Variants in DPP6 observed in about 807,000 individuals in gnomAD.
DPP6 encodes A-type potassium channel modulatory protein DPP6.
In DPP6, 69 loss-of-function variants were observed where a neutral mutation model predicts 122.6. The ratio of observed to expected loss-of-function variants is 0.56; its 90% confidence interval spans 0.46 to 0.69. DPP6 has a LOEUF of 0.69. Among genes scored for constraint, DPP6 ranks in the 30% least tolerant of loss-of-function variants. The probability of loss-of-function intolerance (pLI) is 0.00; values close to 1 mark genes in which losing one functional copy is unlikely to be tolerated. For missense variants in DPP6, 928 were observed against 1,116.9 expected (o/e 0.83, Z 2.41); for synonymous variants, 418 against 433.1 (o/e 0.97, Z 0.43).
chr7:154,109,256 C>T (rs1354804471), intron 1 of DPP6, among the ~76,000 whole-genome samples: 1 of 152,204 alleles, frequency 6.6e-6, no homozygotes, highest in African/African-American at 2.4e-5. Context: ...GAAAATTATA[C>T]TCTAGTATGC....
At chr7:153,872,246 T>C in the DPP6 span, among the ~76,000 whole-genome samples, 2 of 152,200 alleles carry the variant, frequency 1.3e-5, no homozygotes, top group African/African-American at 4.8e-5. Flanking sequence ...GATCAGGGTA[T>C]GGCCTGGTAA....
intron 1 of DPP6, among the ~76,000 whole-genome samples, chr7:154,386,100 G>C (rs976061645): frequency 2.6e-5 from 4 of 152,192 alleles, no homozygotes; most frequent in Non-Finnish European, 5.9e-5. Context: ...GTGGCCCTCA[G>C]GTGTGGACAT....
intron 8 of DPP6, 66 bp from the exon 9 acceptor site, chr7:154,769,351 G>C (rs1796095261): frequency 6.3e-7 from 1 of 1,599,408 alleles, no homozygotes; most frequent in Non-Finnish European, 8.5e-7. Context: ...TCATGTTCCT[G>C]CTGGTGCAGC....
At chr7:153,948,267 A>T (rs1802038876) in intron 1 of DPP6, among the ~76,000 whole-genome samples, 1 of 152,192 alleles carries the variant, frequency 6.6e-6, no homozygotes, top group African/African-American at 2.4e-5. Flanking sequence ...GCATTTCTAT[A>T]GTCCAGGGAT....
At chr7:154,642,518 A>G (rs1836169741) in intron 6 of DPP6, among the ~76,000 whole-genome samples, 1 of 152,106 alleles carries the variant, frequency 6.6e-6, no homozygotes, top group Non-Finnish European at 1.5e-5. Context: ...TGAACCCAAG[A>G]GGCGGAGGTT....
At chr7:153,935,659 C>T (rs1410930977) in intron 1 of DPP6, among the ~76,000 whole-genome samples, 4 of 152,192 alleles carry the variant, frequency 2.6e-5, no homozygotes, top group African/African-American at 9.7e-5. Flanking sequence ...CCTTGGTCCC[C>T]TCTACAAATG....
At chr7:154,117,286 C>T (rs1313016401) in intron 1 of DPP6, among the ~76,000 whole-genome samples, 4 of 152,132 alleles carry the variant, frequency 2.6e-5, no homozygotes, top group Non-Finnish European at 4.4e-5. Context: ...AGACACTCTG[C>T]CTTTACCTTC....
At chr7:154,116,024 G>T (rs1806961836) in intron 1 of DPP6, among the ~76,000 whole-genome samples, 1 of 151,154 alleles carries the variant, frequency 6.6e-6, no homozygotes, top group East Asian at 1.9e-4. Context: ...TGTGGCAAAT[G>T]GTTAAATTCT....
intron 10 of DPP6, among the ~76,000 whole-genome samples, chr7:154,791,761 A>G (rs1797695185): frequency 6.6e-6 from 1 of 152,220 alleles, no homozygotes; most frequent in Admixed American, 6.5e-5. Context: ...AAGCAGGAAC[A>G]GTACTGTGAC....
At chr7:154,093,312 C>T (rs201300671) in intron 1 of DPP6, among the ~76,000 whole-genome samples, 89 of 143,084 alleles carry the variant, frequency 6.2e-4, no homozygotes, top group Middle Eastern at 3.5e-3. Flanking sequence ...TACCACACCA[C>T]ATGCCACACA....
the DPP6 span, among the ~76,000 whole-genome samples, chr7:153,773,730 TA>T: frequency 6.6e-6 from 1 of 151,462 alleles, no homozygotes; most frequent in Non-Finnish European, 1.5e-5. Context: ...TTTATACAAC[TA>T]AATTCTTATG....
chr7:154,693,999 GT>G, intron 7 of DPP6, among the ~76,000 whole-genome samples: 1 of 152,278 alleles, frequency 6.6e-6, no homozygotes, highest in African/African-American at 2.4e-5. Flanking sequence ...GTAGACTGGG[GT>G]GCTTAGAAAA....
intron 1 of DPP6, among the ~76,000 whole-genome samples, chr7:154,183,406 G>T (rs751682786): frequency 3.3e-5 from 5 of 152,170 alleles, no homozygotes; most frequent in Non-Finnish European, 7.3e-5. Flanking sequence ...TAATTGTTTA[G>T]TTGTGGCTCC....
chr7:154,578,789 C>G (rs1252241105), intron 5 of DPP6, among the ~76,000 whole-genome samples: 2 of 151,882 alleles, frequency 1.3e-5, no homozygotes, highest in African/African-American at 2.4e-5. Context: ...TATGTGTGCA[C>G]AAAGGGAGTA....
the DPP6 span, among the ~76,000 whole-genome samples, chr7:153,780,408 G>A: frequency 6.6e-6 from 1 of 151,960 alleles, no homozygotes; most frequent in Non-Finnish European, 1.5e-5. Flanking sequence ...TTAGCTATGA[G>A]TCCTTTCTTT....
intron 1 of DPP6, among the ~76,000 whole-genome samples, chr7:154,201,511 T>A (rs77016208): frequency 0.023 from 3,474 of 152,274 alleles, 135 homozygotes; most frequent in African/African-American, 0.078. Flanking sequence ...CCTAAAACAT[T>A]CATTCCAATT....
intron 4 of DPP6, among the ~76,000 whole-genome samples, chr7:154,543,631 G>T (rs1228005445): frequency 6.6e-6 from 1 of 152,108 alleles, no homozygotes; most frequent in African/African-American, 2.4e-5. Context: ...TACTAATTCA[G>T]TCATCCTTTA....
intron 1 of DPP6, among the ~76,000 whole-genome samples, chr7:154,297,943 A>G (rs1296662239): frequency 6.6e-6 from 1 of 152,222 alleles, no homozygotes; most frequent in African/African-American, 2.4e-5. Context: ...TGGCTAGGCC[A>G]CGGTACCCAG....
intron 1 of DPP6, among the ~76,000 whole-genome samples, chr7:154,371,580 A>G (rs1812681123): frequency 6.6e-6 from 1 of 152,044 alleles, no homozygotes; most frequent in South Asian, 2.1e-4. Context: ...GCGAAGGCCC[A>G]CTTGCAGACT....
Sources: allele counts gnomAD v4.1 joint callset (sites outside exome capture counted in the v4.1 genomes callset), GRCh38; gene constraint gnomAD v4.1.1; transcripts MANE v1.5; gene names NCBI Gene and HGNC (gene_info 2026-07-23, HGNC 2026-07-21).